The following ACTN2 variants were observed in gnomAD, a reference collection of about 807,000 sequenced individuals.
The protein encoded by ACTN2 is actinin alpha 2, also known as alpha-actinin-2.
A neutral mutation model predicts 113.8 loss-of-function variants in ACTN2; 39 were observed. That is an observed-to-expected ratio of 0.34 (90% confidence interval 0.27 to 0.45). The LOEUF (loss-of-function observed/expected upper bound fraction) is 0.45. Among genes scored for constraint, ACTN2 ranks in the 20% least tolerant of loss-of-function variants. The pLI is 1.00. For missense variants in ACTN2, 992 were observed against 1,177.9 expected (o/e 0.84, Z 2.31); for synonymous variants, 429 against 444.1 (o/e 0.97, Z 0.43).
At chr1:236,706,853 G>A (rs998332143) in intron 1 of ACTN2, among the ~76,000 whole-genome samples, 9 of 152,218 alleles carry the variant, frequency 5.9e-5, no homozygotes, top group Admixed American at 1.3e-4. Flanking sequence ...GAATGCAGGC[G>A]CACCTGCTGG....
intron 1 of ACTN2, among the ~76,000 whole-genome samples, chr1:236,692,148 A>G (rs1306302145): frequency 6.6e-6 from 1 of 152,272 alleles, no homozygotes; most frequent in Non-Finnish European, 1.5e-5. Context: ...GGTGAGGATT[A>G]GAACAAGGGG....
At chr1:236,732,734 TGCCTG>T (rs1486180395) in intron 7 of ACTN2, among the ~76,000 whole-genome samples, 1 of 152,200 alleles carries the variant, frequency 6.6e-6, no homozygotes, top group Non-Finnish European at 1.5e-5. Flanking sequence ...TAAGCCACTG[TGCCTG>T]GCCTGTGAAT....
At chr1:236,735,588 TG>T (rs1572128971) in intron 7 of ACTN2, 46 bp from the exon 8 acceptor site, 1 of 1,438,028 alleles carries the variant, frequency 7.0e-7, no homozygotes, top group Non-Finnish European at 9.8e-7. Context: ...TGTATGTGTG[TG>T]GTGTGTGTGT....
intron 17 of ACTN2, among the ~76,000 whole-genome samples, chr1:236,755,681 A>G (rs1419422717): frequency 6.8e-6 from 1 of 147,784 alleles, no homozygotes; most frequent in Non-Finnish European, 1.5e-5. Context: ...GTAATAGAGT[A>G]TATACTGCAG....
At chr1:236,687,360 G>A (rs548286250) in intron 1 of ACTN2, among the ~76,000 whole-genome samples, 7 of 152,166 alleles carry the variant, frequency 4.6e-5, no homozygotes, top group African/African-American at 7.2e-5. Context: ...ATTGAGGTAA[G>A]CACACAGGGA....
intron 1 of ACTN2, among the ~76,000 whole-genome samples, chr1:236,710,555 C>T (rs1657993049): frequency 6.6e-6 from 1 of 152,202 alleles, no homozygotes; most frequent in African/African-American, 2.4e-5. Flanking sequence ...TCCTCAACCA[C>T]CATGTTTTGG....
chr1:236,749,821 C>T (rs1038950629), intron 14 of ACTN2, among the ~76,000 whole-genome samples: 9 of 152,028 alleles, frequency 5.9e-5, no homozygotes, highest in Middle Eastern at 3.4e-3. Context: ...ACAACAACAA[C>T]GACAACTACA....
chr1:236,695,840 G>A (rs979899079), intron 1 of ACTN2, among the ~76,000 whole-genome samples: 1 of 152,072 alleles, frequency 6.6e-6, no homozygotes, highest in Non-Finnish European at 1.5e-5. Context: ...TGTCTTATTT[G>A]TTTTTGCTAG....
At chr1:236,688,769 C>T (rs2102854072) in intron 1 of ACTN2, among the ~76,000 whole-genome samples, 1 of 152,252 alleles carries the variant, frequency 6.6e-6, no homozygotes, top group South Asian at 2.1e-4. Flanking sequence ...TAATATTGAA[C>T]TGTGAGCTCA....
chr1:236,755,659 GTTAGAACCC>G (rs1297942238), intron 17 of ACTN2, among the ~76,000 whole-genome samples: 1 of 142,538 alleles, frequency 7.0e-6, no homozygotes, highest in African/African-American at 2.6e-5. Flanking sequence ...CACTGCCACC[GTTAGAACCC>G]TGGTAATAGA....
In ACTN2 at chr1:236,762,738, A is replaced by C; in HGVS notation, c.*119A>C. The C allele has an allele frequency of 7.4e-7, 1 of 1,342,502 alleles. No homozygotes were observed. Among genetic ancestry groups the C allele is most frequent in the South Asian group, 1.3e-5 (1 of 79,440 alleles). 83.2% of individuals were successfully genotyped at this position (1,342,502 alleles called of 1,614,324 possible). The stretch of plus-strand genomic sequence containing the variant: ...TGAGAGAGAGAGAGGGGAAAAAAAA[A>C]AGCCTTTCGTAGTTCAGTAATTGCC... On this transcript the variant is annotated 3_prime_UTR_variant, in exon 21 of 21. Coordinates refer to ENST00000366578, the MANE Select transcript of ACTN2 (RefSeq NM_001103.4).
intron 12 of ACTN2, among the ~76,000 whole-genome samples, chr1:236,746,082 T>C (rs1572138682): frequency 1.4e-5 from 2 of 140,158 alleles, no homozygotes; most frequent in East Asian, 2.1e-4. Flanking sequence ...AGGAGAATGG[T>C]GTGAACCCGG....
intron 1 of ACTN2, among the ~76,000 whole-genome samples, chr1:236,704,892 A>G (rs2102874278): frequency 6.6e-6 from 1 of 152,320 alleles, no homozygotes. Flanking sequence ...CTGAGTGGGA[A>G]AATCCCCACA....
In ACTN2 at chr1:236,736,018, A is replaced by T. The variant is rs1658862829; in HGVS notation, c.783+298A>T. ...AAAAAAATGCCATGAAAATTGAGCC[A>T]CATGCATTGAATGGTAAAGGGGGAA... On this transcript the variant is annotated intron_variant, in intron 8 of 20. Transcript: ENST00000366578. 3.3e-5 allele frequency among the ~76,000 whole-genome samples: 5 copies of T among 152,244 alleles called. No homozygotes were observed. In the South Asian group the frequency reaches 1.0e-3, roughly 31 times the overall value.
intron 4 of ACTN2, among the ~76,000 whole-genome samples, chr1:236,722,357 C>T (rs1274150289): frequency 2.0e-5 from 3 of 151,952 alleles, no homozygotes; most frequent in Non-Finnish European, 4.4e-5. Context: ...AGAGATTAGG[C>T]CGGGCGCGGT....
intron 13 of ACTN2, among the ~76,000 whole-genome samples, chr1:236,748,796 T>A (rs1007741736): frequency 6.6e-6 from 1 of 152,246 alleles, no homozygotes; most frequent in African/African-American, 2.4e-5. Flanking sequence ...GGTCCTCTTA[T>A]AAAGTCCTGC....
chr1:236,740,111 C>G (rs1156864329), intron 10 of ACTN2, among the ~76,000 whole-genome samples: 1 of 152,052 alleles, frequency 6.6e-6, no homozygotes, highest in Admixed American at 6.6e-5. Context: ...TCCCCACTCA[C>G]TCACTCACTT....
chr1:236,751,349 T>C, intron 14 of ACTN2, 121 bp from the exon 15 acceptor site: 1 of 1,261,358 alleles, frequency 7.9e-7, no homozygotes, highest in Non-Finnish European at 1.1e-6. Context: ...TCAGAATGTG[T>C]TTTTCTCCAG....
intron 4 of ACTN2, among the ~76,000 whole-genome samples, chr1:236,723,461 GTTGTT>G (rs763197366): frequency 1.3e-5 from 2 of 152,070 alleles, no homozygotes; most frequent in South Asian, 2.1e-4. Context: ...TTTGTTTTGT[GTTGTT>G]TTGTTTTGTT....
Sources: gnomAD v4.1 joint callset for allele counts (sites outside exome capture counted in the v4.1 genomes callset) on GRCh38, gnomAD v4.1.1 for gene constraint, MANE v1.5 for transcripts, NCBI Gene and HGNC (gene_info 2026-07-23, HGNC 2026-07-21) for gene names.